The following ACBD6 variants were observed in gnomAD, a reference collection of about 807,000 sequenced individuals.
ACBD6 encodes the protein acyl-CoA binding domain containing 6.
A neutral mutation model predicts 37.2 loss-of-function variants in ACBD6; 28 were observed. That is an observed-to-expected ratio of 0.75 (90% CI 0.56 to 1.03). The LOEUF is 1.03. ACBD6 is among the 50% of genes least tolerant of loss of function. ACBD6 has a pLI of 0.00. For synonymous variants in ACBD6, 113 were observed against 126.8 expected, an observed-to-expected ratio of 0.89 and a Z score of 0.73; for missense variants, 340 against 337.4, an observed-to-expected ratio of 1.01 and a Z score of -0.06.
chr1:180,356,786 G>A (rs1652644345), intron 6 of ACBD6, among the ~76,000 whole-genome samples: 1 of 151,018 alleles, frequency 6.6e-6, no homozygotes, highest in Non-Finnish European at 1.5e-5. Flanking sequence ...GGCGGCGGAG[G>A]TTGCAATGAG....
At chr1:180,408,432 C>A (rs761940473) in intron 5 of ACBD6, among the ~76,000 whole-genome samples, 5 of 151,970 alleles carry the variant, frequency 3.3e-5, no homozygotes, top group Admixed American at 6.6e-5. Flanking sequence ...AAAAATCAAA[C>A]ACTGCATGTT....
intron 6 of ACBD6, among the ~76,000 whole-genome samples, chr1:180,352,471 G>T (rs749915828): frequency 6.6e-6 from 1 of 151,964 alleles, no homozygotes; most frequent in Non-Finnish European, 1.5e-5. Flanking sequence ...TTACAGGTGT[G>T]AGCCTCCGCA....
At chr1:180,384,749 G>A (rs1653787612) in intron 6 of ACBD6, among the ~76,000 whole-genome samples, 1 of 152,170 alleles carries the variant, frequency 6.6e-6, no homozygotes, top group East Asian at 1.9e-4. Context: ...GGAATCAACT[G>A]AAGTGTCCAT....
chr1:180,487,008 T>C (rs1387490351), intron 3 of ACBD6, among the ~76,000 whole-genome samples: 1 of 151,014 alleles, frequency 6.6e-6, no homozygotes, highest in Non-Finnish European at 1.5e-5. Flanking sequence ...AAAAGTATCA[T>C]GGGCAAGAAA....
At chr1:180,358,913 T>C (rs1652737043) in intron 6 of ACBD6, among the ~76,000 whole-genome samples, 2 of 152,206 alleles carry the variant, frequency 1.3e-5, no homozygotes, top group South Asian at 4.1e-4. Flanking sequence ...CTGGACTCCA[T>C]CTTCAGTACT....
intron 4 of ACBD6, among the ~76,000 whole-genome samples, chr1:180,417,296 TCAAA>T (rs1319181049): frequency 6.6e-6 from 1 of 152,166 alleles, no homozygotes; most frequent in African/African-American, 2.4e-5. Flanking sequence ...TTCCCTCTGC[TCAAA>T]CACTCTTCTC....
intron 6 of ACBD6, among the ~76,000 whole-genome samples, chr1:180,378,806 T>C (rs1416140879): frequency 7.9e-5 from 12 of 152,044 alleles, no homozygotes. Flanking sequence ...CCTGCAGATT[T>C]GGGCACTGGC....
chr1:180,429,480 C>T (rs1210902687), intron 4 of ACBD6, among the ~76,000 whole-genome samples: 2 of 152,038 alleles, frequency 1.3e-5, no homozygotes, highest in Non-Finnish European at 1.5e-5. Flanking sequence ...TTGTATATAC[C>T]ACATTTTGTT....
intron 6 of ACBD6, among the ~76,000 whole-genome samples, chr1:180,383,708 G>A (rs759923292): frequency 6.6e-6 from 1 of 152,080 alleles, no homozygotes; most frequent in Non-Finnish European, 1.5e-5. Context: ...AGCCCAAATA[G>A]CTAAAGCAAT....
At chr1:180,397,675 A>G in intron 5 of ACBD6, 70 bp from the exon 6 acceptor site, 1 of 1,266,324 alleles carries the variant, frequency 7.9e-7, no homozygotes, top group East Asian at 2.3e-5. Flanking sequence ...TAATGTTTTA[A>G]GAAAGACAAG....
At chr1:180,469,485 G>C (rs1650475298) in intron 3 of ACBD6, among the ~76,000 whole-genome samples, 1 of 152,020 alleles carries the variant, frequency 6.6e-6, no homozygotes, top group Non-Finnish European at 1.5e-5. Flanking sequence ...TTTAAATCTA[G>C]GCCTTTAAAA....
intron 3 of ACBD6, among the ~76,000 whole-genome samples, chr1:180,467,230 C>T (rs1193603811): frequency 6.6e-6 from 1 of 151,920 alleles, no homozygotes; most frequent in African/African-American, 2.4e-5. Flanking sequence ...CAGACACATG[C>T]TACCACACCC....
At chr1:180,380,411 T>C (rs866657422) in intron 6 of ACBD6, among the ~76,000 whole-genome samples, 3 of 151,750 alleles carry the variant, frequency 2.0e-5, no homozygotes, top group Non-Finnish European at 2.9e-5. Context: ...CAGGAGAGAA[T>C]TGGATGATAT....
intron 6 of ACBD6, among the ~76,000 whole-genome samples, chr1:180,361,525 T>C (rs1398383552): frequency 6.6e-6 from 1 of 152,208 alleles, no homozygotes; most frequent in Non-Finnish European, 1.5e-5. Flanking sequence ...TGATTAGTAA[T>C]TCTATAAGTG....
At chr1:180,334,601 C>T (rs574400183) in intron 6 of ACBD6, among the ~76,000 whole-genome samples, 22 of 152,286 alleles carry the variant, frequency 1.4e-4, no homozygotes, top group Middle Eastern at 3.4e-3. Context: ...AAAATCAGAG[C>T]GCTTCTCCTC....
intron 5 of ACBD6, among the ~76,000 whole-genome samples, chr1:180,402,381 G>T (rs557592724): frequency 6.6e-5 from 10 of 152,142 alleles, no homozygotes; most frequent in Non-Finnish European, 1.0e-4. Context: ...GCATTATAAA[G>T]AAAATCACAC....
At chr1:180,440,713 C>T (rs1448117116) in intron 3 of ACBD6, among the ~76,000 whole-genome samples, 5 of 151,950 alleles carry the variant, frequency 3.3e-5, no homozygotes, top group African/African-American at 1.2e-4. Flanking sequence ...CCCCATTCCC[C>T]TCTCCCCCAA....
At chr1:180,493,247 CAAAAAAAAAAAAAA>C (rs71121023) in intron 2 of ACBD6, among the ~76,000 whole-genome samples, 3 of 47,796 alleles carry the variant, frequency 6.3e-5, no homozygotes, top group Admixed American at 3.4e-4. Flanking sequence ...AATTCTGTCT[CAAAAAAAAAAAAAA>C]AAAAAAAAAA....
chr1:180,464,876 A>G (rs949570703), intron 3 of ACBD6, among the ~76,000 whole-genome samples: 15 of 152,186 alleles, frequency 9.9e-5, no homozygotes, highest in Non-Finnish European at 2.9e-5. Flanking sequence ...CCCAGAAATA[A>G]GGCCTCATAT....
Sources: gnomAD v4.1 joint callset for allele counts (sites outside exome capture counted in the v4.1 genomes callset) on GRCh38, gnomAD v4.1.1 for gene constraint, MANE v1.5 for transcripts, NCBI Gene and HGNC (gene_info 2026-07-23, HGNC 2026-07-21) for gene names.